Variants in CNTNAP2 observed in about 807,000 individuals in gnomAD.
CNTNAP2 encodes the protein contactin-associated protein-like 2.
A neutral mutation model predicts 155.2 loss-of-function variants in CNTNAP2; 98 were observed. That is an observed-to-expected ratio of 0.63 (90% CI 0.54 to 0.75). CNTNAP2 has a LOEUF of 0.75. Ranked by LOEUF, CNTNAP2 falls within the 30% of genes least tolerant of loss-of-function variation. CNTNAP2 has a pLI of 0.00. For synonymous variants in CNTNAP2, 651 were observed against 631.2 expected (o/e 1.03, Z -0.47); for missense variants, 1,727 against 1,688.1 (o/e 1.02, Z -0.40).
intron 13 of CNTNAP2, among the ~76,000 whole-genome samples, chr7:147,659,252 T>C (rs1383159832): frequency 6.6e-6 from 1 of 152,212 alleles, no homozygotes; most frequent in Admixed American, 6.5e-5. Context: ...GAATTCATTG[T>C]CAGGAAACTT....
rs1396696533 is a variant in CNTNAP2 at position 147,772,495 on chromosome 7, A to C, written c.2099-131070A>C. 7.1e-4 allele frequency among the ~76,000 whole-genome samples: 93 copies of C among 131,212 alleles called. 1 individual carries two copies. Among genetic ancestry groups the C allele is most frequent in the African/African-American group, 1.9e-3 (67 of 35,498 alleles). 86.1% of individuals were successfully genotyped at this position (131,212 alleles called of 152,430 possible). A position where few individuals can be genotyped will look rare whatever the true frequency, so the allele number is the denominator to read the frequency against. On this transcript the variant is annotated intron_variant, in intron 13 of 23. Transcript: ENST00000361727. ...ATATATATATATATACACACACAAA[A>C]AAAAAACCACAAAAGAGGTGATTTT...
chr7:147,602,980 T>C (rs561625759), intron 12 of CNTNAP2, among the ~76,000 whole-genome samples: 2 of 152,328 alleles, frequency 1.3e-5, no homozygotes, highest in South Asian at 2.1e-4. Context: ...GCATGATTTA[T>C]AGTCCTTTGG....
intron 12 of CNTNAP2, among the ~76,000 whole-genome samples, chr7:147,628,886 A>T (rs935999944): frequency 6.7e-6 from 1 of 149,438 alleles, no homozygotes; most frequent in African/African-American, 2.5e-5. Flanking sequence ...AAAAAAAAAA[A>T]AGACAAAGAG....
chr7:148,248,132 A>G (rs1796305728), intron 20 of CNTNAP2, among the ~76,000 whole-genome samples: 1 of 151,646 alleles, frequency 6.6e-6, no homozygotes, highest in Non-Finnish European at 1.5e-5. Flanking sequence ...CCCACCCACC[A>G]TTGCCCCCAA....
intron 18 of CNTNAP2, among the ~76,000 whole-genome samples, chr7:148,197,866 C>T (rs1044123405): frequency 1.3e-5 from 2 of 152,192 alleles, no homozygotes; most frequent in South Asian, 2.1e-4. Context: ...AACTAGGCTT[C>T]CTATCAGTCA....
intron 11 of CNTNAP2, among the ~76,000 whole-genome samples, chr7:147,492,841 T>C (rs1448661555): frequency 1.3e-5 from 2 of 152,180 alleles, no homozygotes; most frequent in Non-Finnish European, 2.9e-5. Flanking sequence ...ATTTAATCAC[T>C]TTCCTCCCCA....
intron 1 of CNTNAP2, among the ~76,000 whole-genome samples, chr7:146,498,891 T>C (rs1052337572): frequency 3.3e-5 from 5 of 152,210 alleles, no homozygotes; most frequent in Non-Finnish European, 7.3e-5. Flanking sequence ...AGCACTAATG[T>C]GTTAATCTAG....
At chr7:146,862,427 C>T (rs1285207550) in intron 3 of CNTNAP2, among the ~76,000 whole-genome samples, 4 of 151,118 alleles carry the variant, frequency 2.6e-5, no homozygotes, top group African/African-American at 9.9e-5. Context: ...CTTACACTTC[C>T]TTGTTAAAAA....
At chr7:148,333,787 T>C (rs1798071517) in intron 21 of CNTNAP2, among the ~76,000 whole-genome samples, 1 of 152,240 alleles carries the variant, frequency 6.6e-6, no homozygotes, top group Admixed American at 6.5e-5. Flanking sequence ...AGAGGCTCTT[T>C]CTGTGCTGTG....
intron 9 of CNTNAP2, among the ~76,000 whole-genome samples, chr7:147,318,708 A>G (rs975817462): frequency 6.6e-6 from 1 of 152,094 alleles, no homozygotes; most frequent in Non-Finnish European, 1.5e-5. Context: ...ACAAATACCT[A>G]AAGCATGTGG....
rs770009688 is a variant in CNTNAP2, at chr7:147,086,103, C to T, written c.551-22044C>T. Among the ~76,000 whole-genome samples, 5 of 152,236 alleles carry T rather than the reference C, an allele frequency of 3.3e-5. No homozygotes were observed. In the East Asian group the frequency reaches 7.7e-4, roughly 24 times the overall value. On this transcript the variant is annotated intron_variant, in intron 4 of 23. Transcript: ENST00000361727. ...TTCATTAGTGTTTTCAACCTGAATA[C>T]TAATCAATGGCATAAACTCTAAGGA...
At chr7:147,542,283 A>G (rs905835517) in intron 11 of CNTNAP2, among the ~76,000 whole-genome samples, 9 of 147,032 alleles carry the variant, frequency 6.1e-5, no homozygotes, top group Non-Finnish European at 9.0e-5. Flanking sequence ...TCAGGGAGAC[A>G]TTTGGATTGT....
intron 13 of CNTNAP2, among the ~76,000 whole-genome samples, chr7:147,853,677 A>G (rs1050657464): frequency 6.6e-6 from 1 of 152,268 alleles, no homozygotes. Context: ...TTCTGGATGA[A>G]CCATTGCCAT....
chr7:147,103,124 C>A (rs1380133878), intron 4 of CNTNAP2, among the ~76,000 whole-genome samples: 1 of 152,060 alleles, frequency 6.6e-6, no homozygotes, highest in Admixed American at 6.5e-5. Context: ...ATATGAGTGA[C>A]AACATTCACA....
chr7:147,710,265 A>T (rs866381154), intron 13 of CNTNAP2, among the ~76,000 whole-genome samples: 1 of 152,168 alleles, frequency 6.6e-6, no homozygotes, highest in Non-Finnish European at 1.5e-5. Flanking sequence ...CCATTCAACT[A>T]TCCCCATAGC....
intron 21 of CNTNAP2, among the ~76,000 whole-genome samples, chr7:148,276,651 T>A (rs1435620378): frequency 1.3e-5 from 2 of 152,250 alleles, no homozygotes; most frequent in East Asian, 3.8e-4. Context: ...GATCTATTTA[T>A]AAGCCATGTT....
intron 1 of CNTNAP2, among the ~76,000 whole-genome samples, chr7:146,466,912 A>G (rs1796724693): frequency 1.3e-5 from 2 of 152,182 alleles, no homozygotes; most frequent in African/African-American, 4.8e-5. Flanking sequence ...GATTATGTGC[A>G]TAGCTGTAAA....
intron 3 of CNTNAP2, among the ~76,000 whole-genome samples, chr7:146,846,812 ATC>A (rs1803850284): frequency 6.6e-6 from 1 of 152,140 alleles, no homozygotes; most frequent in Non-Finnish European, 1.5e-5. Flanking sequence ...AAATGTTATA[ATC>A]TCATAAGATT....
intron 11 of CNTNAP2, among the ~76,000 whole-genome samples, chr7:147,523,685 C>T (rs1799268470): frequency 1.3e-5 from 2 of 152,162 alleles, no homozygotes; most frequent in African/African-American, 2.4e-5. Flanking sequence ...GCACAGGTGC[C>T]TTGTGAGCAC....
Sources: gnomAD v4.1 joint callset for allele counts (sites outside exome capture counted in the v4.1 genomes callset) on GRCh38, gnomAD v4.1.1 for gene constraint, MANE v1.5 for transcripts, NCBI Gene and HGNC (gene_info 2026-07-23, HGNC 2026-07-21) for gene names.